Variants in FRMD4B observed in about 807,000 individuals in gnomAD.
FRMD4B encodes FERM domain-containing protein 4B.
FRMD4B carries 74 observed loss-of-function variants against 141.5 expected under a neutral mutation model. The observed-to-expected ratio is 0.52, with a 90% CI of 0.43 to 0.63. FRMD4B has a LOEUF of 0.63. FRMD4B is among the 30% of genes least tolerant of loss of function. FRMD4B has a pLI of 0.00. For missense variants in FRMD4B, 1,366 were observed against 1,253.4 expected (o/e 1.09, Z -1.36); for synonymous variants, 506 against 467.9 (o/e 1.08, Z -1.05).
In FRMD4B at chr3:69,181,232, G is replaced by A. The variant is rs376166259; in HGVS notation, c.2518C>T (p.Arg840Trp). Residue 840 changes from arginine (R) to tryptophan (W), a missense_variant, in exon 21 of 23, where the codon CGG (arginine) becomes TGG (tryptophan). Coordinates refer to ENST00000398540, the MANE Select transcript of FRMD4B (RefSeq NM_015123.3). ...EGQYSVNPSY[R>W]SSAHYGYERQ... ...TCATATCCATAGTGGGCTGAGGACC[G>A]GTAGGAAGGGTTGACACTATACTGT... 29 of 1,613,690 alleles carry A rather than the reference G, an allele frequency of 1.8e-5. No homozygotes were observed. Among genetic ancestry groups the A allele is most frequent in the Middle Eastern group, 1.6e-4 (1 of 6,084 alleles).
At chr3:69,212,381 G>GAAA (rs61444871) in intron 11 of FRMD4B, among the ~76,000 whole-genome samples, 2 of 95,596 alleles carry the variant, frequency 2.1e-5, no homozygotes, top group African/African-American at 8.1e-5. Flanking sequence ...AAAAAAAAAA[G>GAAA]AAAAAAAAAA....
intron 7 of FRMD4B, among the ~76,000 whole-genome samples, chr3:69,238,558 C>T (rs954550489): frequency 6.6e-6 from 1 of 152,134 alleles, no homozygotes; most frequent in African/African-American, 2.4e-5. Context: ...CTGAGGTGGG[C>T]AAACTGCTTG....
intron 2 of FRMD4B, among the ~76,000 whole-genome samples, chr3:69,415,586 A>C (rs892194550): frequency 1.3e-5 from 2 of 152,176 alleles, no homozygotes; most frequent in Non-Finnish European, 2.9e-5. Flanking sequence ...CTCAGTCTTC[A>C]ACTCTCAGCT....
chr3:69,415,096 C>A (rs1704835316), intron 2 of FRMD4B, among the ~76,000 whole-genome samples: 2 of 151,412 alleles, frequency 1.3e-5, no homozygotes, highest in South Asian at 4.2e-4. Flanking sequence ...TAACTCCTGA[C>A]CTCGTGATCT....
chr3:69,529,444 G>A (rs1294672699), intron 1 of FRMD4B, among the ~76,000 whole-genome samples: 1 of 152,106 alleles, frequency 6.6e-6, no homozygotes, highest in Non-Finnish European at 1.5e-5. Context: ...ACAGCGACTT[G>A]ACTCAGGGGA....
intron 5 of FRMD4B, among the ~76,000 whole-genome samples, chr3:69,268,555 G>C (rs1299083923): frequency 1.3e-5 from 2 of 151,990 alleles, no homozygotes; most frequent in Admixed American, 1.3e-4. Flanking sequence ...ATTTGAATTA[G>C]TAGCAGCAGG....
At chr3:69,264,733 A>G (rs1333438392) in intron 5 of FRMD4B, among the ~76,000 whole-genome samples, 2 of 152,228 alleles carry the variant, frequency 1.3e-5, no homozygotes, top group African/African-American at 2.4e-5. Context: ...ACAAACAAAG[A>G]TGAGACATAA....
intron 11 of FRMD4B, 54 bp downstream of exon 11, chr3:69,216,209 G>T: frequency 1.1e-6 from 1 of 943,906 alleles, no homozygotes; most frequent in Non-Finnish European, 1.7e-6. Context: ...CAACTATGTT[G>T]TGATTAACAT....
At chr3:69,347,270 C>A (rs367874834) in intron 1 of FRMD4B, among the ~76,000 whole-genome samples, 50 of 152,196 alleles carry the variant, frequency 3.3e-4, no homozygotes, top group East Asian at 9.7e-4. Flanking sequence ...TCAATTCAAC[C>A]AGAAGAGCTA....
chr3:69,267,632 TATATAGAGAGAGAG>T (rs2093572707), intron 5 of FRMD4B, among the ~76,000 whole-genome samples: 10 of 10,598 alleles, frequency 9.4e-4, no homozygotes, highest in African/African-American at 2.7e-3. Context: ...TATATATATA[TATATAGAGAGAGAG>T]AGAGAGAGAG....
intron 7 of FRMD4B, among the ~76,000 whole-genome samples, chr3:69,247,400 G>A (rs1253330919): frequency 6.6e-6 from 1 of 152,136 alleles, no homozygotes; most frequent in South Asian, 2.1e-4. Context: ...ATCCAGGGTT[G>A]TTTTTTAAAA....
intron 22 of FRMD4B, among the ~76,000 whole-genome samples, chr3:69,172,913 T>C (rs758124856): frequency 2.0e-5 from 3 of 152,158 alleles, no homozygotes; most frequent in Non-Finnish European, 2.9e-5. Flanking sequence ...GCTTTGGAAA[T>C]AAAGGTTTTT....
At chr3:69,482,323 T>C (rs1035587766) in intron 1 of FRMD4B, among the ~76,000 whole-genome samples, 1 of 152,118 alleles carries the variant, frequency 6.6e-6, no homozygotes, top group Admixed American at 6.5e-5. Context: ...ACTAAGAATA[T>C]CACAGAACTT....
At chr3:69,330,394 G>A (rs55862014) in intron 1 of FRMD4B, among the ~76,000 whole-genome samples, 330 of 140,402 alleles carry the variant, frequency 2.4e-3, no homozygotes, top group Admixed American at 5.4e-3. Flanking sequence ...TCACCCAGGC[G>A]GGAGTGCAAT....
intron 1 of FRMD4B, among the ~76,000 whole-genome samples, chr3:69,452,013 C>T (rs1705509104): frequency 6.6e-6 from 1 of 152,180 alleles, no homozygotes; most frequent in Admixed American, 6.5e-5. Flanking sequence ...AAATAAAATA[C>T]AAAACAAATG....
At chr3:69,242,043 A>G (rs2093388425) in intron 7 of FRMD4B, among the ~76,000 whole-genome samples, 1 of 152,166 alleles carries the variant, frequency 6.6e-6, no homozygotes, top group Admixed American at 6.5e-5. Flanking sequence ...TATCTATAAC[A>G]TGGGGACAAT....
intron 1 of FRMD4B, among the ~76,000 whole-genome samples, chr3:69,345,026 A>C (rs1414857573): frequency 6.6e-6 from 1 of 151,914 alleles, no homozygotes; most frequent in African/African-American, 2.4e-5. Context: ...AGTGAGCTGA[A>C]GCAGGGTGAG....
At chr3:69,459,992 A>T (rs1174995822) in intron 1 of FRMD4B, among the ~76,000 whole-genome samples, 1 of 152,230 alleles carries the variant, frequency 6.6e-6, no homozygotes, top group African/African-American at 2.4e-5. Flanking sequence ...AGTGCCTGGC[A>T]TTGTGCTTGG....
chr3:69,181,646 G>A lies in FRMD4B; in HGVS notation c.2104C>T (p.Leu702Phe), dbSNP rs772376147. ...GGCTTATCGCTGTCCATCTCGGAGA[G>A]CAGGTGGGACTGGGACTCCAGGCTT... ...SGSLESQSHLLSEMDSDKPFF... is the reference protein window; with the variant it reads ...SGSLESQSHLFSEMDSDKPFF... Residue 702 changes from leucine (L) to phenylalanine (F), a missense_variant, in exon 21 of 23, where the codon CTC (leucine) becomes TTC (phenylalanine). Transcript: ENST00000398540. 4 of 1,613,216 alleles carry A rather than the reference G, an allele frequency of 2.5e-6. No individual in the cohort carries two copies. Among genetic ancestry groups the A allele is most frequent in the Admixed American group, 3.3e-5 (2 of 59,998 alleles).
Sources: gnomAD v4.1 joint callset for allele counts (sites outside exome capture counted in the v4.1 genomes callset) on GRCh38, gnomAD v4.1.1 for gene constraint, MANE v1.5 for transcripts, NCBI Gene and HGNC (gene_info 2026-07-23, HGNC 2026-07-21) for gene names.